The following TRPC4 variants were observed in gnomAD, a reference collection of about 807,000 sequenced individuals.
TRPC4 encodes the protein short transient receptor potential channel 4.
TRPC4 carries 49 observed loss-of-function variants against 99.4 expected under a neutral mutation model. That is an observed-to-expected ratio of 0.49 (90% confidence interval 0.39 to 0.63). The LOEUF (loss-of-function observed/expected upper bound fraction) is 0.63, where lower values mean the gene tolerates loss of function less well. Among genes scored for constraint, TRPC4 ranks in the 20% least tolerant of loss-of-function variants. The probability of loss-of-function intolerance (pLI) is 0.00; values close to 1 mark genes in which losing one functional copy is unlikely to be tolerated. For synonymous variants in TRPC4, 454 were observed against 425.9 expected, an observed-to-expected ratio of 1.07 and a Z score of -0.81; for missense variants, 898 against 1,152.9, an observed-to-expected ratio of 0.78 and a Z score of 3.20.
intron 3 of TRPC4, among the ~76,000 whole-genome samples, chr13:37,744,839 G>C (rs1163907648): frequency 1.3e-5 from 2 of 152,078 alleles, no homozygotes; most frequent in East Asian, 3.9e-4. Context: ...ACAGTCTTTT[G>C]AGAACTCACT....
Position 37,783,301 on chromosome 13 carries a change from A to G in TRPC4, c.33T>C (p.Asn11=). The G allele has an allele frequency of 6.3e-7, 1 of 1,588,202 alleles. No individual in the cohort carries two copies. Among genetic ancestry groups the G allele is most frequent in the Non-Finnish European group, 8.5e-7 (1 of 1,169,706 alleles). Residue 11 remains asparagine (N), a synonymous_variant, in exon 2 of 11, where the codon AAT becomes AAC. Transcript: ENST00000379705. Reference sequence around the variant, plus strand: ...GAGGGATGCGGTCTCTATAGGGAGCATTAACATTTCTTTTGTAATAGAACT... The same window carrying G: ...GAGGGATGCGGTCTCTATAGGGAGCGTTAACATTTCTTTTGTAATAGAACT... MAQFYYKRNV[N]APYRDRIPLR... is the part of the protein sequence containing the mutation.
chr13:37,848,377 A>G (rs1958962378), intron 1 of TRPC4, among the ~76,000 whole-genome samples: 1 of 152,284 alleles, frequency 6.6e-6, no homozygotes, highest in Admixed American at 6.5e-5. Context: ...AAACCATTGT[A>G]TACCAACTGC....
At chr13:37,864,909 AC>A (rs1959636568) in intron 1 of TRPC4, among the ~76,000 whole-genome samples, 2 of 151,802 alleles carry the variant, frequency 1.3e-5, no homozygotes, top group African/African-American at 4.8e-5. Flanking sequence ...AGGAAATGCA[AC>A]AAAAATGAAA....
intron 2 of TRPC4, among the ~76,000 whole-genome samples, chr13:37,765,892 C>A (rs980729958): frequency 6.6e-6 from 1 of 151,112 alleles, no homozygotes; most frequent in East Asian, 2.0e-4. Context: ...AATGCACAAA[C>A]GAACATGTAC....
intron 8 of TRPC4, among the ~76,000 whole-genome samples, chr13:37,647,192 C>T (rs960522356): frequency 3.9e-5 from 6 of 152,144 alleles, no homozygotes; most frequent in South Asian, 2.1e-4. Flanking sequence ...TTCCTGGGAA[C>T]GTGAATGGAA....
At chr13:37,832,696 AT>A (rs1228505908) in intron 1 of TRPC4, among the ~76,000 whole-genome samples, 8 of 152,242 alleles carry the variant, frequency 5.3e-5, no homozygotes, top group African/African-American at 1.9e-4. Flanking sequence ...AAAATTTAAA[AT>A]TATAAACACC....
intron 3 of TRPC4, among the ~76,000 whole-genome samples, chr13:37,729,775 A>C (rs192588720): frequency 6.6e-6 from 1 of 152,258 alleles, no homozygotes; most frequent in East Asian, 1.9e-4. Flanking sequence ...TGAGGTAATT[A>C]GTCAAAATTA....
intron 4 of TRPC4, among the ~76,000 whole-genome samples, chr13:37,686,882 A>G (rs1402293293): frequency 6.6e-6 from 1 of 152,166 alleles, no homozygotes; most frequent in Admixed American, 6.5e-5. Flanking sequence ...ACGTCGCTTC[A>G]GCAGCCATTT....
At chr13:37,852,586 G>C (rs2093813) in intron 1 of TRPC4, among the ~76,000 whole-genome samples, 19,859 of 152,102 alleles carry the variant, frequency 0.13, 1,675 homozygotes, top group Non-Finnish European at 0.19. Context: ...AAAGCAGAGG[G>C]AAAAGTAAAG....
At chr13:37,847,351 C>T (rs1415172551) in intron 1 of TRPC4, among the ~76,000 whole-genome samples, 2 of 151,752 alleles carry the variant, frequency 1.3e-5, no homozygotes, top group African/African-American at 4.8e-5. Context: ...TTTTTCAGAG[C>T]ACAATGATAT....
At chr13:37,866,515 C>T (rs759280332) in intron 1 of TRPC4, among the ~76,000 whole-genome samples, 7 of 151,788 alleles carry the variant, frequency 4.6e-5, no homozygotes, top group South Asian at 4.1e-4. Context: ...ATTTTCAATG[C>T]GCATGCCTTT....
chr13:37,675,072 T>C (rs1486940776), intron 4 of TRPC4, among the ~76,000 whole-genome samples: 1 of 152,064 alleles, frequency 6.6e-6, no homozygotes, highest in African/African-American at 2.4e-5. Context: ...AATATCTAGA[T>C]TCAGTAAATA....
chr13:37,858,841 G>A (rs1416412536), intron 1 of TRPC4, among the ~76,000 whole-genome samples: 1 of 151,168 alleles, frequency 6.6e-6, no homozygotes, highest in Admixed American at 6.6e-5. Context: ...AAAATAGTTT[G>A]AAAGAATGAA....
chr13:37,685,697 T>C (rs1428685779), intron 4 of TRPC4, among the ~76,000 whole-genome samples: 1 of 152,044 alleles, frequency 6.6e-6, no homozygotes, highest in African/African-American at 2.4e-5. Flanking sequence ...ATCTAAACCA[T>C]GTTTTCAAAC....
At chr13:37,819,681 A>G (rs12585413) in intron 1 of TRPC4, among the ~76,000 whole-genome samples, 43,849 of 151,782 alleles carry the variant, frequency 0.29, 6,553 homozygotes, top group East Asian at 0.43. Flanking sequence ...ATTGGGGAAG[A>G]TTGGAAGAGG....
At chr13:37,745,473 T>TACATACAC (rs1555265782) in intron 3 of TRPC4, among the ~76,000 whole-genome samples, 1 of 5,392 alleles carries the variant, frequency 1.9e-4, no homozygotes, top group African/African-American at 2.5e-4. Flanking sequence ...TATATATATA[T>TACATACAC]ACACACACAC....
At chr13:37,848,426 G>C (rs1556544) in intron 1 of TRPC4, among the ~76,000 whole-genome samples, 39,321 of 152,010 alleles carry the variant, frequency 0.26, 5,653 homozygotes, top group Middle Eastern at 0.33. Flanking sequence ...GACAAAAAGA[G>C]ATAGCAGGCA....
chr13:37,785,665 T>C (rs1187865996), intron 1 of TRPC4, among the ~76,000 whole-genome samples: 12 of 152,000 alleles, frequency 7.9e-5, no homozygotes, highest in African/African-American at 4.8e-5. Flanking sequence ...AGGTTAAGAC[T>C]CACGATAGAG....
intron 2 of TRPC4, among the ~76,000 whole-genome samples, chr13:37,773,356 TG>T (rs1956608335): frequency 6.6e-6 from 1 of 151,868 alleles, no homozygotes; most frequent in African/African-American, 2.4e-5. Context: ...TCAATATACG[TG>T]GAAGGAATCT....
Sources: gnomAD v4.1 joint callset for allele counts (sites outside exome capture counted in the v4.1 genomes callset) on GRCh38, gnomAD v4.1.1 for gene constraint, MANE v1.5 for transcripts, NCBI Gene and HGNC (gene_info 2026-07-23, HGNC 2026-07-21) for gene names.